Variants in ADAMTSL3 observed in about 807,000 individuals in gnomAD.
ADAMTSL3 encodes ADAMTS like 3, also known as ADAMTS-like protein 3.
A neutral mutation model predicts 201.7 loss-of-function variants in ADAMTSL3; 128 were observed. That is an observed-to-expected ratio of 0.63 (90% CI 0.55 to 0.73). ADAMTSL3 has a LOEUF of 0.73. Among genes scored for constraint, ADAMTSL3 ranks in the 30% least tolerant of loss-of-function variants. ADAMTSL3 has a pLI of 0.00. For synonymous variants in ADAMTSL3, 738 were observed against 748.4 expected (o/e 0.99, Z 0.23); for missense variants, 1,990 against 2,119.6 (o/e 0.94, Z 1.20).
chr15:83,749,226 G>T (rs1427296515), intron 3 of ADAMTSL3, among the ~76,000 whole-genome samples: 4 of 152,166 alleles, frequency 2.6e-5, no homozygotes, highest in Admixed American at 2.0e-4. Context: ...GGGCAGTAGT[G>T]GAAATGACTC....
At chr15:83,888,238 C>T (rs1182081972) in intron 10 of ADAMTSL3, among the ~76,000 whole-genome samples, 2 of 152,218 alleles carry the variant, frequency 1.3e-5, no homozygotes, top group Non-Finnish European at 2.9e-5. Flanking sequence ...AATTTCAATA[C>T]ATTTGTTCAA....
intron 3 of ADAMTSL3, chr15:83,717,658 T>C (rs1248937314): frequency 1.3e-5 from 2 of 152,180 alleles, no homozygotes; most frequent in African/African-American, 2.4e-5. Flanking sequence ...ATTTGTAAAG[T>C]AAAATTAGAT....
chr15:83,989,936 G>C (rs984964510), intron 22 of ADAMTSL3, among the ~76,000 whole-genome samples: 3 of 152,158 alleles, frequency 2.0e-5, no homozygotes, highest in African/African-American at 7.2e-5. Flanking sequence ...TCATAAAGTG[G>C]GAAGTCAGAC....
intron 2 of ADAMTSL3, among the ~76,000 whole-genome samples, chr15:83,660,997 T>G (rs1277347315): frequency 4.1e-5 from 6 of 147,474 alleles, no homozygotes; most frequent in Non-Finnish European, 1.5e-5. Flanking sequence ...GCTTTCTACA[T>G]ATGGCTAGCC....
Position 83,923,930 on chromosome 15 carries a change from T to C in ADAMTSL3, c.2014T>C (p.Leu672=). The C allele has an allele frequency of 1.2e-6, 2 of 1,614,200 alleles. No individual in the cohort carries two copies. The highest frequency in any genetic ancestry group is 8.5e-7 in the Non-Finnish European group (1 of 1,179,998). Residue 672 remains leucine, a synonymous_variant, in exon 17 of 30, where the codon TTA becomes CTA. Transcript: ENST00000286744. ...CCATCAAGAAGCCATAGCAGTGTGCTTACATATCCAGACCCAGCAGACAGT... is the reference window on the plus strand; with the variant it reads ...CCATCAAGAAGCCATAGCAGTGTGCCTACATATCCAGACCCAGCAGACAGT... The part of the protein sequence containing the change: ...GGHQEAIAVC[L]HIQTQQTVND...
At position 83,655,838 on chromosome 15, in the gene ADAMTSL3, C is replaced by T; in HGVS notation, c.69+8C>T. On this transcript the variant is annotated splice_region_variant and intron_variant, in intron 2 of 29. Transcript: ENST00000286744. ...CACTCTCCCCTCCCGCAGGTAAGGT[C>T]ATATAGGGAGGGGAAGGGAAATGGT... 6.2e-7 allele frequency: 1 copy of T among 1,613,182 alleles called. No homozygotes were observed. Among genetic ancestry groups the T allele is most frequent in the Non-Finnish European group, 8.5e-7 (1 of 1,179,450 alleles).
chr15:84,025,202 C>T (rs185072917), intron 26 of ADAMTSL3, 36 bp from the exon 27 acceptor site: 1 of 1,539,228 alleles, frequency 6.5e-7, no homozygotes, highest in East Asian at 2.3e-5. Flanking sequence ...TCTGGCATAC[C>T]AGTCCTTACT....
At chr15:84,016,112 A>AT (rs1286009491) in intron 24 of ADAMTSL3, among the ~76,000 whole-genome samples, 4 of 152,034 alleles carry the variant, frequency 2.6e-5, no homozygotes, top group African/African-American at 7.3e-5. Context: ...TGCTGAATAC[A>AT]TTTTTTTCAT....
rs1002837707 is a variant in ADAMTSL3, at chr15:83,892,783, A to G, written c.1362A>G (p.Ile454Met). 6 of 1,614,026 alleles carry G rather than the reference A, an allele frequency of 3.7e-6. No homozygotes were observed. The highest frequency in any genetic ancestry group is 1.7e-5 in the Admixed American group (1 of 59,998). The stretch of plus-strand genomic sequence containing the variant: ...TAGAGGAATCCATGCATGGAGAGAT[A>G]TTGCAGGTGGAAGAATGGAAGTGCA... ...VCVEESMHGE[I>M]LQVEEWKCMY... The change falls in exon 13 of 30, where the codon ATA becomes ATG. Residue 454 changes from isoleucine (I) to methionine (M), a missense_variant. Ile to Met is a conservative substitution (Grantham distance 10). Coordinates refer to ENST00000286744, the MANE Select transcript of ADAMTSL3 (RefSeq NM_207517.3).
chr15:83,762,380 C>G (rs2062822176), intron 3 of ADAMTSL3, among the ~76,000 whole-genome samples: 1 of 152,164 alleles, frequency 6.6e-6, no homozygotes, highest in Non-Finnish European at 1.5e-5. Context: ...CTATCTTAGT[C>G]AATTTGTGCT....
chr15:83,846,511 G>C (rs1417818512), intron 7 of ADAMTSL3, among the ~76,000 whole-genome samples: 1 of 152,242 alleles, frequency 6.6e-6, no homozygotes, highest in African/African-American at 2.4e-5. Context: ...CACAGAAATG[G>C]AGTCAGAGGG....
At chr15:83,955,907 T>C (rs2142077460) in intron 19 of ADAMTSL3, among the ~76,000 whole-genome samples, 1 of 152,202 alleles carries the variant, frequency 6.6e-6, no homozygotes. Context: ...GTGCAGGTAC[T>C]TCCCCAGCTG....
At chr15:83,821,853 C>A (rs1223852349) in intron 6 of ADAMTSL3, among the ~76,000 whole-genome samples, 4 of 148,392 alleles carry the variant, frequency 2.7e-5, no homozygotes, top group African/African-American at 1.0e-4. Flanking sequence ...CCGGACGGGG[C>A]GGCTGGCCGG....
Position 83,870,938 on chromosome 15 carries a change from G to A in ADAMTSL3, c.939G>A (p.Leu313=). The A allele has an allele frequency of 6.2e-7, 1 of 1,613,312 alleles. No homozygotes were observed. Among genetic ancestry groups the A allele is most frequent in the Non-Finnish European group, 8.5e-7 (1 of 1,179,774 alleles). The change falls in exon 9 of 30, where the codon CTG becomes CTA. Residue 313 remains leucine, a synonymous_variant. Transcript: ENST00000286744. ...AAACTTTTAAGATTCCAGGACCTCT[G>A]ATGGCTGATTTCATCTTCAAGGTAG... is the stretch of plus-strand genomic sequence containing the variant. The part of the protein sequence containing the change: ...ERQTFKIPGP[L]MADFIFKTRY...
Position 83,678,328 on chromosome 15 carries a change from C to A in ADAMTSL3, c.69+22498C>A, listed in dbSNP as rs557025944. Among the ~76,000 whole-genome samples the A allele has an allele frequency of 7.2e-5, 11 of 152,056 alleles. No individual in the cohort carries two copies. In the South Asian group the frequency reaches 2.1e-3, roughly 29 times the overall value. ...CTTTTATCTCTTCTTTAATGGTAGGCCTTCTGGTGACAAATTCTTAGTTTT... is the reference window on the plus strand; with the variant it reads ...CTTTTATCTCTTCTTTAATGGTAGGACTTCTGGTGACAAATTCTTAGTTTT... On this transcript the variant is annotated intron_variant, in intron 2 of 29. Transcript: ENST00000286744.
chr15:83,842,030 TCCATCCCCCTTCTGCCTCC>T lies in ADAMTSL3; in HGVS notation c.727+3833_727+3851del, dbSNP rs1247321632. On this transcript the variant is annotated intron_variant, in intron 7 of 29. Transcript: ENST00000286744. ...CTCCAGGGGAAGACCACCTTCCCAC[TCCATCCCCCTTCTGCCTCC>T]CCATCCCCCTTCTGCCTTCCCATCC... Among the ~76,000 whole-genome samples the T allele has an allele frequency of 2.4e-4, 36 of 151,512 alleles. No individual in the cohort carries two copies. The South Asian group carries it at 3.5e-3, about 15-fold the overall frequency.
intron 2 of ADAMTSL3, among the ~76,000 whole-genome samples, chr15:83,680,302 T>C (rs2061460327): frequency 1.3e-5 from 2 of 152,152 alleles, no homozygotes; most frequent in Non-Finnish European, 2.9e-5. Flanking sequence ...CAGTCTTTTC[T>C]CTTCTTTTTA....
intron 16 of ADAMTSL3, among the ~76,000 whole-genome samples, chr15:83,915,840 T>C (rs1275609562): frequency 6.6e-6 from 1 of 152,244 alleles, no homozygotes; most frequent in Non-Finnish European, 1.5e-5. Context: ...TTCCTTTTTA[T>C]GGCCAAGTGG....
chr15:83,734,874 C>A (rs2062343968), intron 3 of ADAMTSL3, among the ~76,000 whole-genome samples: 1 of 151,948 alleles, frequency 6.6e-6, no homozygotes, highest in South Asian at 2.1e-4. Flanking sequence ...GTGGGGAGGG[C>A]TGGGGTTCTC....
Sources: allele counts gnomAD v4.1 joint callset (sites outside exome capture counted in the v4.1 genomes callset), GRCh38; gene constraint gnomAD v4.1.1; transcripts MANE v1.5; gene names NCBI Gene and HGNC (gene_info 2026-07-23, HGNC 2026-07-21).